The following HS3ST4 variants were observed in gnomAD, a reference collection of about 807,000 sequenced individuals.
The protein encoded by HS3ST4 is heparan sulfate-glucosamine 3-sulfotransferase 4, also known as heparan sulfate glucosamine 3-O-sulfotransferase 4.
In HS3ST4, 17 loss-of-function variants were observed where a neutral mutation model predicts 29.2. The ratio of observed to expected loss-of-function variants is 0.58; its 90% CI spans 0.40 to 0.87. The LOEUF (loss-of-function observed/expected upper bound fraction) is 0.87, where lower values mean the gene tolerates loss of function less well. Among genes scored for constraint, HS3ST4 ranks in the 40% least tolerant of loss-of-function variants. The pLI, the probability that HS3ST4 is intolerant of heterozygous loss-of-function variation, is 0.00. For missense variants in HS3ST4, 627 were observed against 634.5 expected (o/e 0.99, Z 0.13); for synonymous variants, 314 against 285.7 (o/e 1.10, Z -1.00).
At chr16:25,744,193 A>G (rs1164764452) in intron 1 of HS3ST4, among the ~76,000 whole-genome samples, 1 of 152,254 alleles carries the variant, frequency 6.6e-6, no homozygotes, top group Non-Finnish European at 1.5e-5. Flanking sequence ...TTTTAAAATC[A>G]GCTGCAATAC....
At chr16:26,037,029 A>T (rs142737867) in intron 1 of HS3ST4, among the ~76,000 whole-genome samples, 1 of 152,210 alleles carries the variant, frequency 6.6e-6, no homozygotes, top group Non-Finnish European at 1.5e-5. Context: ...ATTAATAAGA[A>T]CCCTCCCATT....
chr16:25,817,557 T>C (rs1395278069), intron 1 of HS3ST4, among the ~76,000 whole-genome samples: 4 of 152,346 alleles, frequency 2.6e-5, no homozygotes, highest in African/African-American at 9.6e-5. Flanking sequence ...CTCACGGCTG[T>C]ACTAAAGGAT....
At chr16:26,074,051 A>G (rs1898631437) in intron 1 of HS3ST4, among the ~76,000 whole-genome samples, 2 of 152,162 alleles carry the variant, frequency 1.3e-5, no homozygotes, top group African/African-American at 2.4e-5. Flanking sequence ...TTCTTACCGA[A>G]TGTGTTGGTA....
intron 1 of HS3ST4, among the ~76,000 whole-genome samples, chr16:26,045,979 G>C (rs1482308602): frequency 6.6e-6 from 1 of 151,682 alleles, no homozygotes; most frequent in Non-Finnish European, 1.5e-5. Context: ...TTACATTTTT[G>C]AAACTTTATG....
intron 1 of HS3ST4, among the ~76,000 whole-genome samples, chr16:26,015,747 C>G (rs1969357122): frequency 6.6e-6 from 1 of 152,170 alleles, no homozygotes; most frequent in Admixed American, 6.5e-5. Flanking sequence ...TTCTAAGGAT[C>G]TAGGTGTTAC....
chr16:25,756,127 TACAC>T (rs61054132), intron 1 of HS3ST4, among the ~76,000 whole-genome samples: 6,381 of 140,690 alleles, frequency 0.045, 307 homozygotes, highest in East Asian at 0.16. Flanking sequence ...CACACACACA[TACAC>T]ACACACACAC....
At chr16:25,722,263 T>C (rs1185061529) in intron 1 of HS3ST4, among the ~76,000 whole-genome samples, 2 of 152,218 alleles carry the variant, frequency 1.3e-5, no homozygotes, top group Non-Finnish European at 2.9e-5. Context: ...CTCTACCAGA[T>C]CTCAGAGGGT....
At chr16:25,839,225 C>A (rs1487408961) in intron 1 of HS3ST4, among the ~76,000 whole-genome samples, 1 of 152,132 alleles carries the variant, frequency 6.6e-6, no homozygotes, top group Admixed American at 6.6e-5. Flanking sequence ...GGGAGTGTAT[C>A]ACTTTATTAT....
At chr16:26,071,599 A>G (rs1474792665) in intron 1 of HS3ST4, among the ~76,000 whole-genome samples, 1 of 152,174 alleles carries the variant, frequency 6.6e-6, no homozygotes, top group Non-Finnish European at 1.5e-5. Context: ...ATGTGATGCA[A>G]TAGAGTCGCA....
chr16:25,798,076 G>A (rs1966898817), intron 1 of HS3ST4, among the ~76,000 whole-genome samples: 1 of 152,182 alleles, frequency 6.6e-6, no homozygotes, highest in Non-Finnish European at 1.5e-5. Flanking sequence ...CTACTCCAGA[G>A]AGGGACCAGT....
At chr16:25,737,588 G>A (rs570308818) in intron 1 of HS3ST4, among the ~76,000 whole-genome samples, 1 of 152,188 alleles carries the variant, frequency 6.6e-6, no homozygotes, top group African/African-American at 2.4e-5. Context: ...TGGAGGCTTC[G>A]AAGGGTAGGA....
chr16:26,121,149 G>A (rs904568596), intron 1 of HS3ST4, among the ~76,000 whole-genome samples: 3 of 152,194 alleles, frequency 2.0e-5, no homozygotes, highest in African/African-American at 7.2e-5. Flanking sequence ...GTCTTCCAAA[G>A]TTATTTCGAG....
At chr16:25,993,503 G>T (rs2141729514) in intron 1 of HS3ST4, among the ~76,000 whole-genome samples, 2 of 152,112 alleles carry the variant, frequency 1.3e-5, no homozygotes, top group Middle Eastern at 6.8e-3. Flanking sequence ...GGGGAAAGCA[G>T]GTAAGCTTTG....
At position 25,828,168 on chromosome 16, in the gene HS3ST4, TTCTC is replaced by T. The variant is rs546161929; in HGVS notation, c.734+135025_734+135028del. Among the ~76,000 whole-genome samples the T allele has an allele frequency of 2.1e-3, 298 of 141,604 alleles. 3 individuals carry two copies. The highest frequency in any genetic ancestry group is 6.7e-3 in the African/African-American group (263 of 39,070). 92.9% of individuals were successfully genotyped at this position (141,604 alleles called of 152,430 possible). A position where few individuals can be genotyped will look rare whatever the true frequency, so the allele number is the denominator to read the frequency against. Reference sequence around the variant, plus strand: ...CCCTTCTTCCTTTCCTTTCCTTCCTTTCTCTCTCTCTTTCTCTTTCTTTCTTTTC... The same window carrying T: ...CCCTTCTTCCTTTCCTTTCCTTCCTTTCTCTCTTTCTCTTTCTTTCTTTTC... On this transcript the variant is annotated intron_variant, in intron 1 of 1. Transcript: ENST00000331351.
intron 1 of HS3ST4, among the ~76,000 whole-genome samples, chr16:25,858,061 C>A (rs986066677): frequency 1.4e-5 from 2 of 146,430 alleles, no homozygotes. Flanking sequence ...TTCTTTCTTT[C>A]GTTCTTTTTC....
chr16:26,136,365 C>T lies in HS3ST4; in HGVS notation c.*117C>T. ...GGAGTGCCAAGTAGATCTCCTCCTC[C>T]TTCATGCAGCCAGGATTGCCTCCAG... On this transcript the variant is annotated 3_prime_UTR_variant, in exon 2 of 2. Coordinates refer to ENST00000331351, the MANE Select transcript of HS3ST4 (RefSeq NM_006040.3). The T allele has an allele frequency of 1.0e-6, 1 of 969,082 alleles. No homozygotes were observed. Among genetic ancestry groups the T allele is most frequent in the Non-Finnish European group, 1.5e-6 (1 of 670,088 alleles). The allele number at this position is 969,082 out of a possible 1,614,324, so 60.0% of individuals were successfully genotyped here.
intron 1 of HS3ST4, among the ~76,000 whole-genome samples, chr16:25,934,199 A>G (rs781130580): frequency 7.2e-5 from 11 of 152,184 alleles, no homozygotes; most frequent in Non-Finnish European, 1.0e-4. Flanking sequence ...ACGTTAGTGC[A>G]TTAGGAGTAG....
At chr16:26,125,282 G>T (rs1899326523) in intron 1 of HS3ST4, among the ~76,000 whole-genome samples, 1 of 152,138 alleles carries the variant, frequency 6.6e-6, no homozygotes, top group African/African-American at 2.4e-5. Flanking sequence ...TTCCACAGAT[G>T]GGGGTGGGGT....
rs1567249517 is a variant in HS3ST4 at position 25,828,300 on chromosome 16, C to CT, written c.734+135149_734+135150insT. Among the ~76,000 whole-genome samples, 458 of 56,716 alleles carry CT rather than the reference C, an allele frequency of 8.1e-3. 21 individuals carry two copies. The highest frequency in any genetic ancestry group is 0.013 in the South Asian group (16 of 1,248). The allele number at this position is 56,716 out of a possible 152,430, so 37.2% of individuals were successfully genotyped here. A position where few individuals can be genotyped will look rare whatever the true frequency, so the allele number is the denominator to read the frequency against. ...TCTTTCTTTCTTTCTTTCTTTCTTTCCCTCTCTCTCTCTCTCTCTCTCTCT... is the reference window on the plus strand; with the variant it reads ...TCTTTCTTTCTTTCTTTCTTTCTTTCTCCTCTCTCTCTCTCTCTCTCTCTCT... On this transcript the variant is annotated intron_variant, in intron 1 of 1. Transcript: ENST00000331351.
Sources: gnomAD v4.1 joint callset for allele counts (sites outside exome capture counted in the v4.1 genomes callset) on GRCh38, gnomAD v4.1.1 for gene constraint, MANE v1.5 for transcripts, NCBI Gene and HGNC (gene_info 2026-07-23, HGNC 2026-07-21) for gene names.